Variants in VMP1 observed in about 807,000 individuals in gnomAD.
VMP1 encodes the protein ectopic P-granules autophagy protein 3 homolog.
Under a neutral mutation model 56.0 loss-of-function variants are expected in VMP1, and 11 were observed. That is an observed-to-expected ratio of 0.20 (90% CI 0.12 to 0.32). The LOEUF (loss-of-function observed/expected upper bound fraction) is 0.32, where lower values mean the gene tolerates loss of function less well. VMP1 is among the 10% of genes least tolerant of loss of function. VMP1 has a pLI of 1.00. For synonymous variants in VMP1, 149 were observed against 165.0 expected (o/e 0.90, Z 0.74); for missense variants, 296 against 490.3 (o/e 0.60, Z 3.74).
At position 59,841,933 on chromosome 17, in the gene VMP1, A is replaced by G. The variant is rs1039215349; in HGVS notation, c.*2022A>G. ...GTCTAATTGATACGTTTGACTTATG[A>G]TGACCATTTATGCACTTTCAAATGA... On this transcript the variant is annotated 3_prime_UTR_variant, in exon 12 of 12. Coordinates refer to ENST00000262291, the MANE Select transcript of VMP1 (RefSeq NM_030938.5). 2 of 152,214 alleles carry G rather than the reference A, an allele frequency of 1.3e-5. No individual in the cohort carries two copies. The highest frequency in any genetic ancestry group is 4.8e-5 in the African/African-American group (2 of 41,452). 9.4% of individuals were successfully genotyped at this position (152,214 alleles called of 1,614,324 possible). A position where few individuals can be genotyped will look rare whatever the true frequency, so the allele number is the denominator to read the frequency against.
intron 5 of VMP1, among the ~76,000 whole-genome samples, chr17:59,741,229 G>A (rs1029777277): frequency 6.6e-6 from 1 of 152,082 alleles, no homozygotes. Flanking sequence ...CTAAAATTAA[G>A]TATATATAAA....
chr17:59,795,896 C>T (rs1248900320), intron 7 of VMP1, among the ~76,000 whole-genome samples: 17 of 152,136 alleles, frequency 1.1e-4, no homozygotes, highest in Non-Finnish European at 1.5e-5. Flanking sequence ...TGGTGGTAGA[C>T]ATTATTATCA....
intron 1 of VMP1, among the ~76,000 whole-genome samples, chr17:59,712,309 A>G (rs1055510797): frequency 2.0e-5 from 3 of 152,184 alleles, no homozygotes; most frequent in South Asian, 2.1e-4. Context: ...CACTTTGTCT[A>G]TATTTTACAA....
At chr17:59,808,976 G>T in intron 8 of VMP1, 100 bp downstream of exon 8, 6 of 943,428 alleles carry the variant, frequency 6.4e-6, no homozygotes, top group South Asian at 5.1e-5. Context: ...CACTTTTATT[G>T]GGTATGTAAT....
At position 59,828,024 on chromosome 17, in the gene VMP1, T is replaced by TA. The variant is rs768590295; in HGVS notation, c.975-10255dup. On this transcript the variant is annotated intron_variant, in intron 10 of 11. Transcript: ENST00000262291. The stretch of plus-strand genomic sequence containing the variant: ...GCTGAGGCAAGAGACACAACCTCTT[T>TA]AAAAAAAAAAAAAAAAGCTGCCACC... Among the ~76,000 whole-genome samples, 1,133 of 125,670 alleles carry TA rather than the reference T, an allele frequency of 9.0e-3. 7 individuals carry two copies. Among genetic ancestry groups the TA allele is most frequent in the Middle Eastern group, 0.022 (5 of 224 alleles). 82.4% of individuals were successfully genotyped at this position (125,670 alleles called of 152,430 possible).
At chr17:59,811,932 T>A in intron 9 of VMP1, 146 bp downstream of exon 9, 1 of 584,436 alleles carries the variant, frequency 1.7e-6, no homozygotes, top group East Asian at 3.0e-5. Context: ...TAGAATGTCA[T>A]TTGGAATTAG....
rs1172927301 is a variant in VMP1, at chr17:59,748,494, C to G, written c.414+9547C>G. On this transcript the variant is annotated intron_variant, in intron 5 of 11. Coordinates refer to ENST00000262291, the MANE Select transcript of VMP1 (RefSeq NM_030938.5). ...TAGCTGTGTGATATTTGGCAAATTT[C>G]TTAACTTTTAAACCTCAGTCATTCA... Among the ~76,000 whole-genome samples, 3 of 152,084 alleles carry G rather than the reference C, an allele frequency of 2.0e-5. No individual in the cohort carries two copies. In the East Asian group the frequency reaches 5.8e-4, roughly 29 times the overall value.
chr17:59,835,806 T>C (rs1001264456), intron 10 of VMP1, among the ~76,000 whole-genome samples: 63 of 149,904 alleles, frequency 4.2e-4, no homozygotes, highest in Non-Finnish European at 8.3e-4. Context: ...ATTTGCAGTT[T>C]TCAAAGTCAA....
chr17:59,728,161 T>C (rs956038663), intron 1 of VMP1, among the ~76,000 whole-genome samples: 1 of 152,226 alleles, frequency 6.6e-6, no homozygotes, highest in Non-Finnish European at 1.5e-5. Flanking sequence ...TTTTATAGGC[T>C]TTCACTTGTT....
At chr17:59,708,076 G>C (rs959863465) in intron 1 of VMP1, 2 of 152,174 alleles carry the variant, frequency 1.3e-5, no homozygotes, top group East Asian at 3.9e-4. Flanking sequence ...CAGGACCTTG[G>C]AGTAAGTGGA....
chr17:59,815,335 TCA>T (rs1198248634), intron 9 of VMP1, among the ~76,000 whole-genome samples: 6 of 152,192 alleles, frequency 3.9e-5, no homozygotes, highest in African/African-American at 1.4e-4. Context: ...AGCAACATAC[TCA>T]TTCATGTTAT....
chr17:59,800,741 C>T (rs1384312457), intron 7 of VMP1, among the ~76,000 whole-genome samples: 1 of 151,996 alleles, frequency 6.6e-6, no homozygotes, highest in Non-Finnish European at 1.5e-5. Context: ...ATGTTTGTGG[C>T]GATGCTGGTG....
At chr17:59,759,913 T>G (rs1368016040) in intron 5 of VMP1, among the ~76,000 whole-genome samples, 2 of 149,356 alleles carry the variant, frequency 1.3e-5, no homozygotes, top group African/African-American at 2.4e-5. Context: ...GTTTTTTTTT[T>G]TTTTTTTTTT....
At position 59,789,953 on chromosome 17, in the gene VMP1, C is replaced by T. The variant is rs1458117352; in HGVS notation, c.714+16068C>T. ...CTCCCGGGTTCAAGCGATTCTCCTGCCCCAGCCTCCCAAGTAGCTGGGACT... is the reference window on the plus strand; with the variant it reads ...CTCCCGGGTTCAAGCGATTCTCCTGTCCCAGCCTCCCAAGTAGCTGGGACT... On this transcript the variant is annotated intron_variant, in intron 7 of 11. Transcript: ENST00000262291. Among the ~76,000 whole-genome samples the T allele has an allele frequency of 3.4e-5, 5 of 147,868 alleles. No homozygotes were observed. In the East Asian group the frequency reaches 1.1e-3, roughly 32 times the overall value.
At chr17:59,812,841 G>C (rs1053800035) in intron 9 of VMP1, among the ~76,000 whole-genome samples, 1 of 152,174 alleles carries the variant, frequency 6.6e-6, no homozygotes. Context: ...TGACGCAGGA[G>C]AGTCTCTTGA....
intron 1 of VMP1, among the ~76,000 whole-genome samples, chr17:59,717,547 T>C (rs979526936): frequency 1.3e-5 from 2 of 152,100 alleles, no homozygotes; most frequent in Non-Finnish European, 2.9e-5. Context: ...CACTCCCAGC[T>C]AACTTTCGTA....
intron 7 of VMP1, among the ~76,000 whole-genome samples, chr17:59,801,059 G>A (rs974267614): frequency 2.9e-5 from 4 of 137,150 alleles, no homozygotes; most frequent in East Asian, 2.2e-4. Flanking sequence ...CATCCTGGGC[G>A]ACAGAGCAAG....
At chr17:59,838,438 T>A (rs1394883881) in intron 11 of VMP1, 41 bp downstream of exon 11, 1 of 1,602,238 alleles carries the variant, frequency 6.2e-7, no homozygotes, top group Non-Finnish European at 8.5e-7. Context: ...CTGGGAAGTT[T>A]CGGGCTGAAA....
At chr17:59,802,123 C>T (rs1408911103) in intron 7 of VMP1, among the ~76,000 whole-genome samples, 1 of 151,954 alleles carries the variant, frequency 6.6e-6, no homozygotes, top group Non-Finnish European at 1.5e-5. Flanking sequence ...ATCGCTTGAA[C>T]CCAGGAGGTG....
Sources: gnomAD v4.1 joint callset for allele counts (sites outside exome capture counted in the v4.1 genomes callset) on GRCh38, gnomAD v4.1.1 for gene constraint, MANE v1.5 for transcripts, NCBI Gene and HGNC (gene_info 2026-07-23, HGNC 2026-07-21) for gene names.